Variants in MYO7A observed in about 807,000 individuals in gnomAD.
MYO7A encodes unconventional myosin-VIIa.
MYO7A carries 210 observed loss-of-function variants against 263.8 expected under a neutral mutation model. The observed-to-expected ratio is 0.80, with a 90% confidence interval of 0.71 to 0.89. The LOEUF is 0.89. MYO7A is among the 40% of genes least tolerant of loss of function. MYO7A has a pLI of 0.00. For missense variants in MYO7A, 2,820 were observed against 2,968.3 expected (o/e 0.95, Z 1.16); for synonymous variants, 1,239 against 1,197.3 (o/e 1.03, Z -0.72).
At chr11:77,174,140 C>G (rs1256533540) in intron 16 of MYO7A, among the ~76,000 whole-genome samples, 1 of 152,144 alleles carries the variant, frequency 6.6e-6, no homozygotes, top group African/African-American at 2.4e-5. Flanking sequence ...CTCACAGAGC[C>G]CCACAGCCTC....
At chr11:77,172,664 C>T (rs1268996690) in intron 15 of MYO7A, 84 bp from the exon 16 acceptor site, 16 of 1,520,444 alleles carry the variant, frequency 1.1e-5, no homozygotes, top group Non-Finnish European at 1.4e-5. Context: ...CGCTGACCTC[C>T]CCTCCCGCTT....
intron 2 of MYO7A, chr11:77,139,485 G>A (rs1951075488): frequency 6.6e-6 from 1 of 152,130 alleles, no homozygotes; most frequent in Admixed American, 6.5e-5. Context: ...TTCAAGGTGA[G>A]TACCAAGCAA....
At position 77,204,688 on chromosome 11, in the gene MYO7A, CAGG is replaced by C. The variant is rs903155262; in HGVS notation, c.5480+462_5480+464del. Among the ~76,000 whole-genome samples the C allele has an allele frequency of 2.6e-5, 4 of 152,332 alleles. No individual in the cohort carries two copies. In the East Asian group the frequency reaches 5.8e-4, roughly 22 times the overall value. On this transcript the variant is annotated intron_variant, in intron 39 of 48. Coordinates refer to ENST00000409709, the MANE Select transcript of MYO7A (RefSeq NM_000260.4). ...CTCCTCCCGCTGGGACAGCCCAAGA[CAGG>C]AGTAGAAAGTCAGGCACAGGCTCCT...
At chr11:77,201,416 C>T (rs757786876) in intron 35 of MYO7A, 32 bp from the exon 36 acceptor site, 1 of 1,594,630 alleles carries the variant, frequency 6.3e-7, no homozygotes, top group South Asian at 1.1e-5. Context: ...CCTGTCTCTG[C>T]CCCCATGGTC....
In MYO7A at chr11:77,147,799, A is replaced by C. The variant is rs1383661917; in HGVS notation, c.134A>C (p.Glu45Ala). 1 of 1,609,626 alleles carries C rather than the reference A, an allele frequency of 6.2e-7. No individual in the cohort carries two copies. Among genetic ancestry groups the C allele is most frequent in the East Asian group, 2.2e-5 (1 of 44,784 alleles). Residue 45 changes from glutamate to alanine, a missense_variant and splice_region_variant, in exon 4 of 49, where the codon GAA (glutamate) becomes GCA (alanine). By Grantham distance (107) the Glu-to-Ala change is moderately radical (BLOSUM62 -1). Transcript: ENST00000409709. ...QVQVVDDEDN[E>A]HWISPQNATH... ...CGCTGACGTTCTGGCTCCCCGCAGG[A>C]ACACTGGATCTCTCCGCAGAACGCA...
Position 77,162,964 on chromosome 11 carries a change from G to A in MYO7A, c.1666G>A (p.Gly556Ser), listed in dbSNP as rs370331045. The A allele has an allele frequency of 6.2e-7, 1 of 1,613,878 alleles. No homozygotes were observed. Among genetic ancestry groups the A allele is most frequent in the African/African-American group, 1.3e-5 (1 of 75,006 alleles). ...ETQFGINHFA[G>S]IVYYETQGFL... Reference sequence around the variant, plus strand: ...CCAGTTTGGCATCAACCATTTTGCAGGCATCGTCTACTATGAGACCCAAGG... The same window carrying A: ...CCAGTTTGGCATCAACCATTTTGCAAGCATCGTCTACTATGAGACCCAAGG... Residue 556 changes from glycine to serine, a missense_variant, in exon 14 of 49, where the codon GGC (glycine) becomes AGC (serine). Gly to Ser is a moderately conservative substitution (Grantham distance 56). Transcript: ENST00000409709.
intron 3 of MYO7A, among the ~76,000 whole-genome samples, chr11:77,143,251 C>T (rs782004048): frequency 6.6e-6 from 1 of 152,210 alleles, no homozygotes; most frequent in African/African-American, 2.4e-5. Flanking sequence ...GATAATAATA[C>T]GTATCTCACA....
rs78871677 is a variant in MYO7A at position 77,190,774 on chromosome 11, G to A, written c.3828G>A (p.Ser1276=). The A allele has an allele frequency of 4.2e-3, 6,749 of 1,597,292 alleles. 211 individuals carry two copies. The African/African-American group carries it at 0.077, about 18-fold the overall frequency. Residue 1276 remains serine (S), a synonymous_variant, in exon 30 of 49, where the codon TCG becomes TCA. Transcript: ENST00000409709. ...CCACCAAGACCCTGCTGACGGACTC[G>A]GCAACCACGGCCAAGGAGCTCTGCA... The part of the protein sequence containing the change: ...DGTTKTLLTD[S]ATTAKELCNA...
intron 44 of MYO7A, among the ~76,000 whole-genome samples, chr11:77,209,659 A>G (rs970141467): frequency 9.9e-5 from 15 of 152,050 alleles, no homozygotes; most frequent in Admixed American, 6.6e-4. Context: ...TACCTCCTGG[A>G]TATCTCTAAA....
intron 32 of MYO7A, among the ~76,000 whole-genome samples, chr11:77,195,184 C>T (rs1456744870): frequency 6.6e-6 from 1 of 152,146 alleles, no homozygotes; most frequent in African/African-American, 2.4e-5. Context: ...TCCGTCCTCA[C>T]CCGGGAGCCC....
intron 4 of MYO7A, among the ~76,000 whole-genome samples, chr11:77,151,810 TGGTG>T (rs1166618970): frequency 6.6e-6 from 1 of 152,248 alleles, no homozygotes; most frequent in East Asian, 1.9e-4. Context: ...TCATTGCCAG[TGGTG>T]GCCAGCCTCC....
rs556408599 is a variant in MYO7A at position 77,184,832 on chromosome 11, G to T, written c.3503+117G>T. On this transcript the variant is annotated intron_variant, in intron 27 of 48. Coordinates refer to ENST00000409709, the MANE Select transcript of MYO7A (RefSeq NM_000260.4). ...AGGCCTGGGTTTGGCTTCGCTGCTA[G>T]CTAGTTGGTGGAGTTAGGACCTTGG... 6 of 1,502,354 alleles carry T rather than the reference G, an allele frequency of 4.0e-6. No individual in the cohort carries two copies. The Admixed American group carries it at 9.8e-5, about 25-fold the overall frequency. The allele number at this position is 1,502,354 out of a possible 1,614,324, so 93.1% of individuals were successfully genotyped here. A position where few individuals can be genotyped will look rare whatever the true frequency, so the allele number is the denominator to read the frequency against.
At chr11:77,157,201 C>A in intron 7 of MYO7A, 78 bp from the exon 8 acceptor site, 8 of 1,380,964 alleles carry the variant, frequency 5.8e-6, no homozygotes, top group Non-Finnish European at 8.1e-6. Flanking sequence ...AAATAGTAAA[C>A]CATCATCCCA....
chr11:77,147,744 G>A, intron 3 of MYO7A, 54 bp from the exon 4 acceptor site: 2 of 1,590,470 alleles, frequency 1.3e-6, no homozygotes, highest in South Asian at 2.3e-5. Flanking sequence ...CCCTTCCCCT[G>A]AAGTGCGCAG....
Position 77,155,966 on chromosome 11 carries a change from G to T in MYO7A, c.345G>T (p.Ser115=), listed in dbSNP as rs781980240. 6.2e-7 allele frequency: 1 copy of T among 1,612,770 alleles called. No homozygotes were observed. Among genetic ancestry groups the T allele is most frequent in the Non-Finnish European group, 8.5e-7 (1 of 1,179,416 alleles). The part of the protein sequence containing the change: ...VNPYQLLSIY[S]PEHIRQYTNK... The stretch of plus-strand genomic sequence containing the variant: ...CCTACCAGCTGCTCTCCATCTACTC[G>T]CCAGAGCACATCCGCCAGTATACCA... Residue 115 remains serine, a synonymous_variant, in exon 5 of 49, where the codon TCG becomes TCT. Transcript: ENST00000409709.
intron 4 of MYO7A, among the ~76,000 whole-genome samples, chr11:77,151,588 A>G (rs1555057206): frequency 6.6e-6 from 1 of 152,144 alleles, no homozygotes; most frequent in African/African-American, 2.4e-5. Context: ...CACGTGCTGT[A>G]TCCCTGGTTT....
At chr11:77,163,122 A>G in intron 14 of MYO7A, 134 bp downstream of exon 14, 2 of 931,644 alleles carry the variant, frequency 2.1e-6, no homozygotes, top group Middle Eastern at 6.3e-4. Flanking sequence ...ATATATATGA[A>G]CTTGACTAAA....
chr11:77,177,746 C>T (rs972351517), intron 19 of MYO7A, 103 bp downstream of exon 19: 8 of 900,706 alleles, frequency 8.9e-6, no homozygotes, highest in Non-Finnish European at 1.4e-5. Flanking sequence ...AGGAAAAAAA[C>T]GTGTTCACCT....
intron 31 of MYO7A, chr11:77,194,006 T>C (rs1266522778): frequency 3.9e-6 from 2 of 508,382 alleles, no homozygotes; most frequent in Admixed American, 2.3e-5. Flanking sequence ...TTCTGCTGTT[T>C]GTCAGCTCTG....
Sources: allele counts gnomAD v4.1 joint callset (sites outside exome capture counted in the v4.1 genomes callset), GRCh38; gene constraint gnomAD v4.1.1; transcripts MANE v1.5; gene names NCBI Gene and HGNC (gene_info 2026-07-23, HGNC 2026-07-21).